Variants in CRYL1 observed in about 807,000 individuals in gnomAD.
CRYL1 encodes lambda-crystallin homolog.
A neutral mutation model predicts 36.6 loss-of-function variants in CRYL1; 29 were observed. That is an observed-to-expected ratio of 0.79 (90% CI 0.59 to 1.08). The LOEUF is 1.08. Among genes scored for constraint, CRYL1 ranks in the 50% least tolerant of loss-of-function variants. CRYL1 has a pLI of 0.00. For missense variants in CRYL1, 411 were observed against 407.9 expected, an observed-to-expected ratio of 1.01 and a Z score of -0.06; for synonymous variants, 152 against 151.5, an observed-to-expected ratio of 1.00 and a Z score of -0.02.
intron 2 of CRYL1, among the ~76,000 whole-genome samples, chr13:20,494,726 G>A (rs2033574647): frequency 6.6e-6 from 1 of 152,252 alleles, no homozygotes; most frequent in Non-Finnish European, 1.5e-5. Flanking sequence ...CTTGTTCCTC[G>A]ATCCTCCAGG....
chr13:20,502,881 G>A (rs780495606), intron 2 of CRYL1, among the ~76,000 whole-genome samples: 6 of 152,182 alleles, frequency 3.9e-5, no homozygotes, highest in Non-Finnish European at 7.4e-5. Flanking sequence ...GTCAAGGTAG[G>A]AGTCACACAA....
At chr13:20,413,588 T>C (rs987876378) in intron 5 of CRYL1, among the ~76,000 whole-genome samples, 4 of 152,214 alleles carry the variant, frequency 2.6e-5, no homozygotes, top group African/African-American at 9.7e-5. Context: ...AATATTAGCA[T>C]ATGCATAATG....
intron 2 of CRYL1, among the ~76,000 whole-genome samples, chr13:20,490,504 A>G (rs2033488656): frequency 1.3e-5 from 2 of 152,196 alleles, no homozygotes; most frequent in African/African-American, 4.8e-5. Flanking sequence ...GAGAAGATGA[A>G]AACATGCTGG....
intron 4 of CRYL1, among the ~76,000 whole-genome samples, chr13:20,434,394 TAAAACGCACCAATCAGCACTCTGC>T (rs1459996420): frequency 2.0e-5 from 3 of 152,010 alleles, no homozygotes; most frequent in Non-Finnish European, 4.4e-5. Context: ...CGGGGCTCTG[TAAAACGCACCAATCAGCACTCTGC>T]AAAACGCACC....
intron 5 of CRYL1, among the ~76,000 whole-genome samples, chr13:20,419,539 G>A (rs191648075): frequency 2.0e-5 from 3 of 151,512 alleles, no homozygotes; most frequent in Non-Finnish European, 4.4e-5. Flanking sequence ...TGATCCACCC[G>A]CCTCAGCCTC....
In CRYL1 at chr13:20,495,320, T is replaced by A. The variant is rs2033586630; in HGVS notation, c.150-5824A>T. ...AATGTGCCAGTTCTACCTCTAGAGG[T>A]CAGCCTAACACTAGGACTCAAAATA... On this transcript the variant is annotated intron_variant, in intron 2 of 7. Transcript: ENST00000298248. Among the ~76,000 whole-genome samples the A allele has an allele frequency of 3.9e-5, 6 of 152,168 alleles. No individual in the cohort carries two copies. In the South Asian group the frequency reaches 1.0e-3, roughly 26 times the overall value.
chr13:20,424,987 C>T (rs1025373770), intron 5 of CRYL1, among the ~76,000 whole-genome samples: 13 of 152,312 alleles, frequency 8.5e-5, no homozygotes, highest in South Asian at 2.1e-4. Context: ...CTGGCTCCCC[C>T]AACTTCCCTA....
intron 3 of CRYL1, among the ~76,000 whole-genome samples, chr13:20,442,033 T>C (rs2032361784): frequency 6.6e-6 from 1 of 152,154 alleles, no homozygotes; most frequent in Non-Finnish European, 1.5e-5. Flanking sequence ...TTGTATTGAG[T>C]CATTCCTGGA....
chr13:20,524,667 G>A (rs1026646015), intron 1 of CRYL1, among the ~76,000 whole-genome samples: 15 of 151,940 alleles, frequency 9.9e-5, no homozygotes, highest in Non-Finnish European at 2.1e-4. Context: ...GTGAGCCACC[G>A]CGCGCGGCCC....
At chr13:20,500,135 G>A (rs1449089176) in intron 2 of CRYL1, among the ~76,000 whole-genome samples, 8 of 152,224 alleles carry the variant, frequency 5.3e-5, no homozygotes, top group Non-Finnish European at 1.0e-4. Context: ...TTGTCTGCAT[G>A]GACGGAACTA....
chr13:20,424,692 A>G (rs891718348), intron 5 of CRYL1, among the ~76,000 whole-genome samples: 1 of 152,192 alleles, frequency 6.6e-6, no homozygotes, highest in African/African-American at 2.4e-5. Context: ...AGCAGGGGAA[A>G]GATTCCCCCA....
At chr13:20,499,314 C>T (rs2033662797) in intron 2 of CRYL1, among the ~76,000 whole-genome samples, 1 of 149,596 alleles carries the variant, frequency 6.7e-6, no homozygotes, top group Admixed American at 6.7e-5. Context: ...TCAGTGCACT[C>T]CAGCCTGGGC....
intron 2 of CRYL1, among the ~76,000 whole-genome samples, chr13:20,496,198 C>A (rs1436323094): frequency 6.6e-6 from 1 of 152,166 alleles, no homozygotes; most frequent in African/African-American, 2.4e-5. Flanking sequence ...GTACCCAGAG[C>A]AGTCAAACTC....
intron 3 of CRYL1, among the ~76,000 whole-genome samples, chr13:20,463,200 A>G (rs2032867127): frequency 6.6e-6 from 1 of 152,190 alleles, no homozygotes; most frequent in African/African-American, 2.4e-5. Flanking sequence ...TAGAAAATAA[A>G]CATGCTTTTA....
intron 2 of CRYL1, among the ~76,000 whole-genome samples, chr13:20,501,345 A>G (rs2033700177): frequency 6.6e-6 from 1 of 152,168 alleles, no homozygotes; most frequent in African/African-American, 2.4e-5. Context: ...TGCAAAGCTC[A>G]CAGTCTGGGC....
At chr13:20,404,494 G>A (rs1277404783) in intron 7 of CRYL1, 141 bp downstream of exon 7, 2 of 664,852 alleles carry the variant, frequency 3.0e-6, no homozygotes, top group South Asian at 1.8e-5. Context: ...TATGAACAAA[G>A]TTATGAATGA....
chr13:20,418,135 C>CT (rs2031715577), intron 5 of CRYL1, among the ~76,000 whole-genome samples: 2 of 152,130 alleles, frequency 1.3e-5, no homozygotes, highest in Non-Finnish European at 2.9e-5. Flanking sequence ...CTGGATTTAG[C>CT]CCACCCAGAC....
At chr13:20,509,028 T>C (rs1565988389) in intron 2 of CRYL1, among the ~76,000 whole-genome samples, 1 of 151,078 alleles carries the variant, frequency 6.6e-6, no homozygotes, top group African/African-American at 2.4e-5. Context: ...ACCCCACCTC[T>C]ACTAAAAATA....
At position 20,437,276 on chromosome 13, in the gene CRYL1, T is replaced by C. The variant is rs2032242190; in HGVS notation, c.438+2317A>G. 3.9e-5 allele frequency among the ~76,000 whole-genome samples: 6 copies of C among 152,266 alleles called. No homozygotes were observed. The South Asian group carries it at 1.2e-3, about 32-fold the overall frequency. On this transcript the variant is annotated intron_variant, in intron 4 of 7. Coordinates refer to ENST00000298248, the MANE Select transcript of CRYL1 (RefSeq NM_015974.3). ...TTTGCTTTAATTAACATCGGTTTTGTTTAAAAATAATTTGTAACAATAAGG... is the reference window on the plus strand; with the variant it reads ...TTTGCTTTAATTAACATCGGTTTTGCTTAAAAATAATTTGTAACAATAAGG...
Sources: allele counts gnomAD v4.1 joint callset (sites outside exome capture counted in the v4.1 genomes callset), GRCh38; gene constraint gnomAD v4.1.1; transcripts MANE v1.5; gene names NCBI Gene and HGNC (gene_info 2026-07-23, HGNC 2026-07-21).